The following C10orf88 variants were observed in gnomAD, a reference collection of about 807,000 sequenced individuals.
C10orf88 encodes the protein chromosome 10 open reading frame 88, also known as ATPase PAAT.
In C10orf88, 29 loss-of-function variants were observed where a neutral mutation model predicts 34.2. The observed-to-expected ratio is 0.85, with a 90% CI of 0.63 to 1.16. The LOEUF (loss-of-function observed/expected upper bound fraction) is 1.16, where lower values mean the gene tolerates loss of function less well. Among genes scored for constraint, C10orf88 ranks in the 50% most tolerant of loss-of-function variants. C10orf88 has a pLI of 0.00. For synonymous variants in C10orf88, 194 were observed against 197.4 expected, an observed-to-expected ratio of 0.98 and a Z score of 0.15; for missense variants, 507 against 533.2, an observed-to-expected ratio of 0.95 and a Z score of 0.48.
At chr10:122,934,969 G>A (rs1463449529) in intron 5 of C10orf88, among the ~76,000 whole-genome samples, 1 of 152,008 alleles carries the variant, frequency 6.6e-6, no homozygotes, top group East Asian at 1.9e-4. Flanking sequence ...CTGTTGAAAT[G>A]ACTATTCTTT....
At position 122,932,152 on chromosome 10, in the gene C10orf88, T is replaced by C; in HGVS notation, c.*275A>G. The C allele has an allele frequency of 3.4e-6, 1 of 293,168 alleles. No homozygotes were observed. Among genetic ancestry groups the C allele is most frequent in the South Asian group, 9.9e-5 (1 of 10,118 alleles). 18.2% of individuals were successfully genotyped at this position (293,168 alleles called of 1,614,324 possible). A position where few individuals can be genotyped will look rare whatever the true frequency, so the allele number is the denominator to read the frequency against. ...AACTAATGAACTGTATTAGAAATCC[T>C]CAAGCATTTTAAACTCTTAACACAA... is the stretch of plus-strand genomic sequence containing the variant. On this transcript the variant is annotated 3_prime_UTR_variant, in exon 6 of 6. Transcript: ENST00000481909.
At chr10:122,953,783 A>T (rs1223311584) in intron 1 of C10orf88, among the ~76,000 whole-genome samples, 1 of 151,910 alleles carries the variant, frequency 6.6e-6, no homozygotes, top group Admixed American at 6.5e-5. Flanking sequence ...TGAAATTCCG[A>T]GTCCGGGTCA....
At chr10:122,940,701 A>G (rs752976738) in intron 4 of C10orf88, among the ~76,000 whole-genome samples, 18 of 152,066 alleles carry the variant, frequency 1.2e-4, no homozygotes, top group Admixed American at 2.0e-4. Context: ...GGTGCCTGGT[A>G]GCTAATCCTT....
intron 5 of C10orf88, among the ~76,000 whole-genome samples, chr10:122,934,470 C>T (rs910694594): frequency 3.3e-5 from 5 of 152,094 alleles, no homozygotes; most frequent in African/African-American, 1.2e-4. Context: ...TCTCTTTTGT[C>T]ACTCAGCAAA....
chr10:122,947,296 C>A (rs1848648854), intron 4 of C10orf88, among the ~76,000 whole-genome samples: 1 of 152,036 alleles, frequency 6.6e-6, no homozygotes, highest in Non-Finnish European at 1.5e-5. Context: ...TATTTGTGAA[C>A]CACACAACAT....
intron 4 of C10orf88, among the ~76,000 whole-genome samples, chr10:122,948,446 G>A (rs1256987704): frequency 6.6e-6 from 1 of 152,108 alleles, no homozygotes; most frequent in Non-Finnish European, 1.5e-5. Context: ...CTGAATGAAT[G>A]AATGCATTCA....
In C10orf88 at chr10:122,953,008, T is replaced by C. The variant is rs745381035; in HGVS notation, c.189A>G (p.Arg63=). The C allele has an allele frequency of 2.5e-6, 4 of 1,614,084 alleles. No homozygotes were observed. In the South Asian group the frequency reaches 4.4e-5, roughly 18 times the overall value. The change falls in exon 2 of 6, where the codon AGA becomes AGG. Residue 63 remains arginine (R), a synonymous_variant. Coordinates refer to ENST00000481909, the MANE Select transcript of C10orf88 (RefSeq NM_024942.4). ...GGTTTTCATCTTTGTTGTTGTGGTT[T>C]CTCTTCAAAATCACCAGATCCTGAC... ...APGQDLVILK[R]NHNNKDENPC... is the part of the protein sequence containing the mutation.
chr10:122,942,193 A>G (rs990157895), intron 4 of C10orf88, among the ~76,000 whole-genome samples: 2 of 152,174 alleles, frequency 1.3e-5, no homozygotes, highest in African/African-American at 4.8e-5. Flanking sequence ...TTCACAAACA[A>G]TTGCTTCCTT....
chr10:122,938,919 C>T (rs1312254484), intron 4 of C10orf88, among the ~76,000 whole-genome samples: 2 of 151,932 alleles, frequency 1.3e-5, no homozygotes, highest in Non-Finnish European at 2.9e-5. Flanking sequence ...TATCTCTAGC[C>T]TAAGTCTTAA....
intron 5 of C10orf88, among the ~76,000 whole-genome samples, chr10:122,934,855 A>C (rs1160423782): frequency 6.6e-6 from 1 of 152,080 alleles, no homozygotes; most frequent in Non-Finnish European, 1.5e-5. Context: ...TAGCCATCCA[A>C]ATATGTAGTG....
At chr10:122,948,331 G>T (rs1367012304) in intron 4 of C10orf88, among the ~76,000 whole-genome samples, 2 of 151,926 alleles carry the variant, frequency 1.3e-5, no homozygotes, top group African/African-American at 2.4e-5. Context: ...CCACTTACAT[G>T]CTCCAGAATG....
intron 3 of C10orf88, 99 bp from the exon 4 acceptor site, chr10:122,948,954 G>A: frequency 9.4e-7 from 1 of 1,060,010 alleles, no homozygotes; most frequent in South Asian, 1.7e-5. Flanking sequence ...AAGTATTCAA[G>A]AATCTAAAAA....
intron 4 of C10orf88, among the ~76,000 whole-genome samples, chr10:122,939,637 G>C (rs1482066074): frequency 6.6e-6 from 1 of 151,858 alleles, no homozygotes; most frequent in South Asian, 2.1e-4. Context: ...GATGAATTAT[G>C]TAAAATTATA....
intron 5 of C10orf88, among the ~76,000 whole-genome samples, chr10:122,934,356 T>C (rs1330561453): frequency 6.6e-6 from 1 of 152,206 alleles, no homozygotes; most frequent in African/African-American, 2.4e-5. Context: ...TAAAGTCTTC[T>C]TTCCCTAATA....
chr10:122,934,304 G>C (rs1848513558), intron 5 of C10orf88, among the ~76,000 whole-genome samples: 1 of 152,068 alleles, frequency 6.6e-6, no homozygotes, highest in Admixed American at 6.6e-5. Flanking sequence ...TAACTGCAAT[G>C]ATCTCCTCCC....
At chr10:122,939,246 CAG>C (rs1848562651) in intron 4 of C10orf88, among the ~76,000 whole-genome samples, 1 of 149,898 alleles carries the variant, frequency 6.7e-6, no homozygotes, top group Non-Finnish European at 1.5e-5. Context: ...GCCTATATGA[CAG>C]GGGAGCAAGG....
chr10:122,945,966 A>G (rs1848636003), intron 4 of C10orf88, among the ~76,000 whole-genome samples: 1 of 151,956 alleles, frequency 6.6e-6, no homozygotes, highest in Admixed American at 6.6e-5. Context: ...GTGTGGTGGC[A>G]TGCGCCTGTA....
In C10orf88 at chr10:122,948,714, A is replaced by G; in HGVS notation, c.583T>C (p.Ser195Pro). 6.2e-7 allele frequency: 1 copy of G among 1,613,868 alleles called. No individual in the cohort carries two copies. Among genetic ancestry groups the G allele is most frequent in the Non-Finnish European group, 8.5e-7 (1 of 1,179,880 alleles). ...CCAGGAGATAACTTTGACCCCATGG[A>G]CTCCATTATGGTTTGGACCTTGTCA... is the stretch of plus-strand genomic sequence containing the variant. Reference protein sequence around the residue: ...DLDKVQTIMESMGSKLSPGAQ... With the variant: ...DLDKVQTIMEPMGSKLSPGAQ... The change falls in exon 4 of 6, where the codon TCC (serine) becomes CCC (proline). Residue 195 changes from serine to proline, a missense_variant. By Grantham distance (74) the Ser-to-Pro change is moderately conservative. Coordinates refer to ENST00000481909, the MANE Select transcript of C10orf88 (RefSeq NM_024942.4).
rs764500541 is a variant in C10orf88, at chr10:122,932,669, T to C, written c.1104-8A>G. 4.5e-6 allele frequency: 7 copies of C among 1,564,442 alleles called. No individual in the cohort carries two copies. The Admixed American group carries it at 7.4e-5, about 17-fold the overall frequency. ...ATAGATTGCTCTTCCATTCTAAAAA[T>C]ACATTTTTAAAAATGTGTAAATTTT... is the stretch of plus-strand genomic sequence containing the variant. On this transcript the variant is annotated splice_polypyrimidine_tract_variant and splice_region_variant and intron_variant, in intron 5 of 5. Transcript: ENST00000481909.
Sources: allele counts gnomAD v4.1 joint callset (sites outside exome capture counted in the v4.1 genomes callset), GRCh38; gene constraint gnomAD v4.1.1; transcripts MANE v1.5; gene names NCBI Gene and HGNC (gene_info 2026-07-23, HGNC 2026-07-21).